Variants in WDR41 observed in about 807,000 individuals in gnomAD.
WDR41 encodes WD repeat domain 41, also known as WD repeat-containing protein 41.
Under a neutral mutation model 69.3 loss-of-function variants are expected in WDR41, and 63 were observed. The ratio of observed to expected loss-of-function variants is 0.91; its 90% CI spans 0.74 to 1.12. The LOEUF (loss-of-function observed/expected upper bound fraction) is 1.12. WDR41 is among the 50% of genes most tolerant of loss of function. The pLI, the probability that WDR41 is intolerant of heterozygous loss-of-function variation, is 0.00. For synonymous variants in WDR41, 185 were observed against 192.1 expected, an observed-to-expected ratio of 0.96 and a Z score of 0.31; for missense variants, 543 against 534.5, an observed-to-expected ratio of 1.02 and a Z score of -0.16.
intron 7 of WDR41, among the ~76,000 whole-genome samples, chr5:77,450,411 C>A (rs1287852558): frequency 1.3e-5 from 2 of 152,196 alleles, no homozygotes; most frequent in African/African-American, 4.8e-5. Flanking sequence ...ATATATCATA[C>A]AGTTCTTCTG....
At position 77,490,530 on chromosome 5, in the gene WDR41, A is replaced by G. The variant is rs139542490; in HGVS notation, c.52-958T>C. Among the ~76,000 whole-genome samples the G allele has an allele frequency of 2.3e-4, 35 of 152,328 alleles. No homozygotes were observed. The East Asian group carries it at 5.8e-3, about 25-fold the overall frequency. On this transcript the variant is annotated intron_variant, in intron 1 of 12. Coordinates refer to ENST00000296679, the MANE Select transcript of WDR41 (RefSeq NM_018268.4). ...GATAATGTACAAATTCACAGCAGTT[A>G]TACAACTCAATTAGATTTATATGAA...
intron 1 of WDR41, among the ~76,000 whole-genome samples, chr5:77,505,317 C>G (rs923811142): frequency 2.0e-5 from 3 of 152,128 alleles, no homozygotes; most frequent in African/African-American, 7.2e-5. Context: ...ATCCAACTTA[C>G]AAGGGATGTG....
intron 2 of WDR41, among the ~76,000 whole-genome samples, chr5:77,472,910 G>GA (rs1320919103): frequency 6.6e-6 from 1 of 152,040 alleles, no homozygotes; most frequent in East Asian, 1.9e-4. Flanking sequence ...CACAGAATTG[G>GA]AAAAAACTAC....
intron 1 of WDR41, among the ~76,000 whole-genome samples, chr5:77,528,068 G>A (rs558982592): frequency 2.6e-5 from 4 of 151,632 alleles, no homozygotes; most frequent in South Asian, 2.1e-4. Flanking sequence ...AGATTATATC[G>A]AAATTAGTAA....
Position 77,489,571 on chromosome 5 carries a change from T to A in WDR41, c.53A>T (p.Lys18Ile). Reference protein sequence around the residue: ...GGREPQGLAEKSPLQTIGEEQ... With the variant: ...GGREPQGLAEISPLQTIGEEQ... ...TTCACCTATTGTCTGTAAAGGAGAT[T>A]TCTTGTATTGAAAAAAAAAAAAAAG... Residue 18 changes from lysine to isoleucine, a missense_variant and splice_region_variant, in exon 2 of 13, where the codon AAA becomes ATA. Transcript: ENST00000296679. 1 of 1,529,820 alleles carries A rather than the reference T, an allele frequency of 6.5e-7. No individual in the cohort carries two copies. Among genetic ancestry groups the A allele is most frequent in the Non-Finnish European group, 8.7e-7 (1 of 1,148,980 alleles). The allele number at this position is 1,529,820 out of a possible 1,614,324, so 94.8% of individuals were successfully genotyped here. A position where few individuals can be genotyped will look rare whatever the true frequency, so the allele number is the denominator to read the frequency against.
intron 1 of WDR41, among the ~76,000 whole-genome samples, chr5:77,612,190 G>T (rs1211183220): frequency 6.6e-6 from 1 of 152,094 alleles, no homozygotes; most frequent in African/African-American, 2.4e-5. Flanking sequence ...CAGATGGATT[G>T]ACAGCCAAAT....
intron 1 of WDR41, among the ~76,000 whole-genome samples, chr5:77,618,327 A>G (rs1191174822): frequency 6.6e-6 from 1 of 152,110 alleles, no homozygotes; most frequent in Admixed American, 6.5e-5. Flanking sequence ...GATGCTCTTT[A>G]TGGATAAAAT....
At chr5:77,559,078 T>C (rs1743468046) in intron 1 of WDR41, among the ~76,000 whole-genome samples, 1 of 152,170 alleles carries the variant, frequency 6.6e-6, no homozygotes. Flanking sequence ...GACACATGTA[T>C]TGAGTTGCTC....
chr5:77,568,491 T>C (rs1324425135), intron 1 of WDR41, among the ~76,000 whole-genome samples: 1 of 152,180 alleles, frequency 6.6e-6, no homozygotes, highest in East Asian at 1.9e-4. Flanking sequence ...TGCTTGTCCC[T>C]ATTTCTTCTG....
At chr5:77,540,944 T>C (rs992180015) in intron 1 of WDR41, among the ~76,000 whole-genome samples, 1 of 152,060 alleles carries the variant, frequency 6.6e-6, no homozygotes, top group African/African-American at 2.4e-5. Flanking sequence ...GAAAAAGAAA[T>C]TTTTCTAAAA....
chr5:77,587,830 T>C (rs990572552), intron 1 of WDR41, among the ~76,000 whole-genome samples: 1 of 152,122 alleles, frequency 6.6e-6, no homozygotes, highest in African/African-American at 2.4e-5. Context: ...TTAGGACACA[T>C]GGAGAAACCA....
chr5:77,589,946 A>G (rs552335751), intron 1 of WDR41, among the ~76,000 whole-genome samples: 24 of 152,336 alleles, frequency 1.6e-4, no homozygotes, highest in Non-Finnish European at 2.9e-5. Flanking sequence ...TTTGATGTTT[A>G]CATAATATTT....
At chr5:77,483,890 C>A (rs1305702830) in intron 2 of WDR41, among the ~76,000 whole-genome samples, 1 of 152,180 alleles carries the variant, frequency 6.6e-6, no homozygotes, top group Non-Finnish European at 1.5e-5. Context: ...TGGATTTAAA[C>A]ATATGTGATA....
intron 2 of WDR41, among the ~76,000 whole-genome samples, chr5:77,469,958 C>T (rs1401061199): frequency 6.6e-6 from 1 of 151,286 alleles, no homozygotes; most frequent in Non-Finnish European, 1.5e-5. Context: ...AGAAGAGCAA[C>T]TCCAAGACAC....
intron 1 of WDR41, among the ~76,000 whole-genome samples, chr5:77,567,407 C>T (rs1743653196): frequency 6.6e-6 from 1 of 151,990 alleles, no homozygotes; most frequent in Non-Finnish European, 1.5e-5. Flanking sequence ...TTGGCTTGTT[C>T]ACTGTGATCA....
rs896290769 is a variant in WDR41, at chr5:77,586,998, G to A, written c.42+33481C>T. ...CTCCCAAAGTGCTGGGATTACAGGCGTGAGCCACCATGCCCGGCCCCCTGA... is the reference window on the plus strand; with the variant it reads ...CTCCCAAAGTGCTGGGATTACAGGCATGAGCCACCATGCCCGGCCCCCTGA... On this transcript the variant is annotated intron_variant, in intron 1 of 5. Coordinates refer to the WDR41 transcript ENST00000509971. 1.1e-4 allele frequency among the ~76,000 whole-genome samples: 17 copies of A among 151,890 alleles called. No individual in the cohort carries two copies. The East Asian group carries it at 2.5e-3, about 23-fold the overall frequency.
At chr5:77,504,031 C>G (rs1046423520) in intron 1 of WDR41, among the ~76,000 whole-genome samples, 1 of 151,416 alleles carries the variant, frequency 6.6e-6, no homozygotes, top group East Asian at 1.9e-4. Context: ...AAGATCAGAG[C>G]AGAACTGAAG....
intron 2 of WDR41, among the ~76,000 whole-genome samples, chr5:77,484,037 T>C (rs1189712314): frequency 6.6e-6 from 1 of 152,232 alleles, no homozygotes; most frequent in Non-Finnish European, 1.5e-5. Flanking sequence ...TGAGAGAGAC[T>C]GATTTTATCT....
chr5:77,439,903 A>C (rs1366054074), intron 9 of WDR41, among the ~76,000 whole-genome samples: 1 of 152,214 alleles, frequency 6.6e-6, no homozygotes, highest in Non-Finnish European at 1.5e-5. Context: ...TTCTGAAACC[A>C]TACTGTCTTT....
Sources: allele counts gnomAD v4.1 joint callset (sites outside exome capture counted in the v4.1 genomes callset), GRCh38; gene constraint gnomAD v4.1.1; transcripts MANE v1.5; gene names NCBI Gene and HGNC (gene_info 2026-07-23, HGNC 2026-07-21).